The following ADK variants were observed in gnomAD, a reference collection of about 807,000 sequenced individuals.
ADK encodes adenosine kinase, also known as N6,N6-dimethyladenosine kinase.
Under a neutral mutation model 44.7 loss-of-function variants are expected in ADK, and 24 were observed. The ratio of observed to expected loss-of-function variants is 0.54; its 90% CI spans 0.39 to 0.76. ADK has a LOEUF of 0.76. Among genes scored for constraint, ADK ranks in the 30% least tolerant of loss-of-function variants. The pLI is 0.00. For missense variants in ADK, 321 were observed against 425.1 expected (o/e 0.76, Z 2.15); for synonymous variants, 128 against 142.6 (o/e 0.90, Z 0.73).
At chr10:74,688,895 G>GGCAGAGCAAGAC (rs1327646278) in intron 10 of ADK, among the ~76,000 whole-genome samples, 1 of 151,784 alleles carries the variant, frequency 6.6e-6, no homozygotes, top group South Asian at 2.1e-4. Flanking sequence ...CAGCCTGAGT[G>GGCAGAGCAAGAC]TGTATGTGAC....
intron 10 of ADK, among the ~76,000 whole-genome samples, chr10:74,698,992 G>A (rs1337799376): frequency 6.7e-6 from 1 of 149,180 alleles, no homozygotes; most frequent in African/African-American, 2.5e-5. Context: ...GATTGCAGGT[G>A]CATGCCACCA....
chr10:74,604,491 C>A (rs576307012), intron 9 of ADK, among the ~76,000 whole-genome samples: 4 of 152,286 alleles, frequency 2.6e-5, no homozygotes, highest in Non-Finnish European at 5.9e-5. Flanking sequence ...TTTCCCAGCA[C>A]CATTTATTAA....
Position 74,458,146 on chromosome 10 carries a change from T to TTG in ADK, c.555+59567_555+59568insTG, listed in dbSNP as rs1564733240. On this transcript the variant is annotated intron_variant, in intron 6 of 10. Coordinates refer to ENST00000539909, the MANE Select transcript of ADK (RefSeq NM_006721.4). ...TTTTTTTTTTTTTTTTTTTTTTTTT[T>TTG]GGGGGGAGAAGGTCTCACTCTGTTG... Among the ~76,000 whole-genome samples, 7 of 106,346 alleles carry TTG rather than the reference T, an allele frequency of 6.6e-5. No homozygotes were observed. In the East Asian group the frequency reaches 7.4e-4, roughly 11 times the overall value. 69.8% of individuals were successfully genotyped at this position (106,346 alleles called of 152,430 possible).
At chr10:74,585,850 C>A (rs1467114557) in intron 7 of ADK, among the ~76,000 whole-genome samples, 3 of 152,180 alleles carry the variant, frequency 2.0e-5, no homozygotes, top group African/African-American at 7.2e-5. Flanking sequence ...TGGGGACTTG[C>A]TTGTTTTCTT....
intron 6 of ADK, among the ~76,000 whole-genome samples, chr10:74,437,160 A>G (rs1343309054): frequency 6.6e-6 from 1 of 152,194 alleles, no homozygotes; most frequent in Non-Finnish European, 1.5e-5. Context: ...GTGAAAAACA[A>G]TGTTTAATCA....
chr10:74,226,927 A>T (rs559188819), intron 3 of ADK, among the ~76,000 whole-genome samples: 35 of 152,298 alleles, frequency 2.3e-4, no homozygotes, highest in African/African-American at 7.2e-4. Context: ...TACCAAAGAA[A>T]ACTTTCAGTT....
At chr10:74,536,600 CTTT>C (rs77904292) in intron 7 of ADK, among the ~76,000 whole-genome samples, 1 of 143,526 alleles carries the variant, frequency 7.0e-6, no homozygotes, top group African/African-American at 2.5e-5. Flanking sequence ...CTCTCCAGAA[CTTT>C]TTTTTTTTTT....
chr10:74,361,097 G>A (rs754511119), intron 4 of ADK, among the ~76,000 whole-genome samples: 1 of 152,062 alleles, frequency 6.6e-6, no homozygotes. Flanking sequence ...TAGTAGAGAC[G>A]GTTTCACTAT....
chr10:74,293,151 T>C (rs1166620163), intron 3 of ADK, among the ~76,000 whole-genome samples: 2 of 121,626 alleles, frequency 1.6e-5, no homozygotes, highest in African/African-American at 6.9e-5. Context: ...CCGTGACTGA[T>C]TGAAACCCTG....
intron 1 of ADK, among the ~76,000 whole-genome samples, chr10:74,174,913 G>A (rs1230886352): frequency 1.3e-5 from 2 of 152,214 alleles, no homozygotes; most frequent in Admixed American, 6.5e-5. Context: ...AATATTTGAT[G>A]TGTTTTATGG....
intron 4 of ADK, among the ~76,000 whole-genome samples, chr10:74,328,509 CCTCAT>C (rs1223353999): frequency 6.6e-6 from 1 of 152,120 alleles, no homozygotes; most frequent in African/African-American, 2.4e-5. Flanking sequence ...CCCACCCAAA[CCTCAT>C]CTCTAGTTGT....
At chr10:74,529,473 G>A (rs1254718186) in intron 7 of ADK, 2 of 152,094 alleles carry the variant, frequency 1.3e-5, no homozygotes, top group Non-Finnish European at 2.9e-5. Context: ...AATGTATTTA[G>A]TGCCAATGAA....
intron 3 of ADK, among the ~76,000 whole-genome samples, chr10:74,305,017 T>C (rs7908160): frequency 0.014 from 2,111 of 152,314 alleles, 48 homozygotes; most frequent in African/African-American, 0.048. Context: ...TGATATAAAA[T>C]TCTGTGGTAT....
chr10:74,343,945 T>C (rs951356319), intron 4 of ADK, among the ~76,000 whole-genome samples: 1 of 152,192 alleles, frequency 6.6e-6, no homozygotes, highest in Non-Finnish European at 1.5e-5. Context: ...GATGATCATG[T>C]AATTTTGTTT....
At position 74,300,174 on chromosome 10, in the gene ADK, A is replaced by G. The variant is rs375760295; in HGVS notation, c.195-14493A>G. Among the ~76,000 whole-genome samples, 262 of 150,938 alleles carry G rather than the reference A, an allele frequency of 1.7e-3. 1 individual carries two copies. The highest frequency in any genetic ancestry group is 5.4e-3 in the African/African-American group (222 of 41,076). ...GTTGGGATTATAGGTGTGAGCCATC[A>G]TGTCCCTGGCTAATACATTATTTCT... On this transcript the variant is annotated intron_variant, in intron 3 of 10. Transcript: ENST00000539909.
chr10:74,410,370 T>TA (rs1040072571), intron 6 of ADK, among the ~76,000 whole-genome samples: 3 of 152,158 alleles, frequency 2.0e-5, no homozygotes, highest in East Asian at 1.9e-4. Flanking sequence ...AATTTTTTTT[T>TA]AAAAAAGGTA....
chr10:74,162,460 C>T (rs552576711), intron 1 of ADK, among the ~76,000 whole-genome samples: 4 of 151,686 alleles, frequency 2.6e-5, no homozygotes, highest in African/African-American at 9.7e-5. Flanking sequence ...ATGGAGTGAG[C>T]TTGTGTGCAA....
At chr10:74,395,217 TCTTC>T (rs1011672246) in intron 5 of ADK, among the ~76,000 whole-genome samples, 26 of 152,290 alleles carry the variant, frequency 1.7e-4, no homozygotes, top group African/African-American at 6.3e-4. Context: ...TCCCATCTTC[TCTTC>T]CTTTCTTTTT....
chr10:74,457,951 G>A (rs1049342117), intron 6 of ADK, among the ~76,000 whole-genome samples: 1 of 152,008 alleles, frequency 6.6e-6, no homozygotes, highest in African/African-American at 2.4e-5. Flanking sequence ...AACCACCATG[G>A]CATGTGTATA....
Sources: gnomAD v4.1 joint callset for allele counts (sites outside exome capture counted in the v4.1 genomes callset) on GRCh38, gnomAD v4.1.1 for gene constraint, MANE v1.5 for transcripts, NCBI Gene and HGNC (gene_info 2026-07-23, HGNC 2026-07-21) for gene names.